ASTN2: variants seen among roughly 807,000 people sequenced by gnomAD.
The protein encoded by ASTN2 is astrotactin-2.
ASTN2 carries 54 observed loss-of-function variants against 139.8 expected under a neutral mutation model. That is an observed-to-expected ratio of 0.39 (90% CI 0.31 to 0.48). The LOEUF (loss-of-function observed/expected upper bound fraction) is 0.48, where lower values mean the gene tolerates loss of function less well. Among genes scored for constraint, ASTN2 ranks in the 20% least tolerant of loss-of-function variants. The probability of loss-of-function intolerance (pLI) is 0.95; values close to 1 mark genes in which losing one functional copy is unlikely to be tolerated. For synonymous variants in ASTN2, 756 were observed against 719.5 expected, an observed-to-expected ratio of 1.05 and a Z score of -0.81; for missense variants, 1,565 against 1,725.1, an observed-to-expected ratio of 0.91 and a Z score of 1.64.
At chr9:116,851,736 A>G (rs1006766627) in intron 11 of ASTN2, among the ~76,000 whole-genome samples, 4 of 152,192 alleles carry the variant, frequency 2.6e-5, no homozygotes, top group African/African-American at 9.7e-5. Context: ...AAAAACGTGA[A>G]GGTCAGTTCC....
chr9:117,283,284 G>A (rs896752178), intron 2 of ASTN2, among the ~76,000 whole-genome samples: 1 of 152,100 alleles, frequency 6.6e-6, no homozygotes, highest in African/African-American at 2.4e-5. Flanking sequence ...TTGCCCACAG[G>A]CCTAGCTAGA....
At chr9:117,354,492 C>T (rs1306667248) in intron 1 of ASTN2, among the ~76,000 whole-genome samples, 1 of 152,170 alleles carries the variant, frequency 6.6e-6, no homozygotes, top group Non-Finnish European at 1.5e-5. Context: ...TTTTTGAATA[C>T]TTTCTTGAGC....
chr9:116,475,582 G>C (rs1848952273), intron 20 of ASTN2, among the ~76,000 whole-genome samples: 1 of 152,248 alleles, frequency 6.6e-6, no homozygotes, highest in Non-Finnish European at 1.5e-5. Context: ...GCTCTACAGA[G>C]GGTTGAAGAC....
chr9:117,181,162 C>A (rs1435679976), intron 3 of ASTN2: 2 of 717,890 alleles, frequency 2.8e-6, no homozygotes, highest in Non-Finnish European at 4.9e-6. Flanking sequence ...CAATGGGCCC[C>A]CATGAGGAAA....
chr9:117,367,847 G>A (rs1829886748), intron 1 of ASTN2, among the ~76,000 whole-genome samples: 1 of 152,134 alleles, frequency 6.6e-6, no homozygotes, highest in Non-Finnish European at 1.5e-5. Context: ...AAACCTGGAG[G>A]AAGGAGGGAC....
intron 2 of ASTN2, among the ~76,000 whole-genome samples, chr9:117,231,679 G>A: frequency 6.6e-6 from 1 of 152,122 alleles, no homozygotes; most frequent in South Asian, 2.1e-4. Flanking sequence ...GGAGAATAGA[G>A]GCAGAGAGAG....
intron 17 of ASTN2, among the ~76,000 whole-genome samples, chr9:116,639,114 G>A (rs547204852): frequency 6.6e-6 from 1 of 152,208 alleles, no homozygotes; most frequent in Non-Finnish European, 1.5e-5. Context: ...CTTTGTGTAT[G>A]TTATGCTTTT....
chr9:116,543,350 T>C (rs1471806186), intron 19 of ASTN2, among the ~76,000 whole-genome samples: 1 of 150,686 alleles, frequency 6.6e-6, no homozygotes, highest in East Asian at 2.0e-4. Flanking sequence ...GGTGGGAGGA[T>C]CACCCAAGCC....
chr9:117,295,542 A>G (rs962150554), intron 1 of ASTN2, among the ~76,000 whole-genome samples: 2 of 152,042 alleles, frequency 1.3e-5, no homozygotes, highest in Non-Finnish European at 2.9e-5. Context: ...ACATATATGT[A>G]TATATATTTC....
At chr9:117,293,007 G>A (rs1284862757) in intron 1 of ASTN2, among the ~76,000 whole-genome samples, 1 of 151,738 alleles carries the variant, frequency 6.6e-6, no homozygotes, top group African/African-American at 2.4e-5. Flanking sequence ...TGTTAGCTAC[G>A]AATTTTTAAG....
intron 16 of ASTN2, among the ~76,000 whole-genome samples, chr9:116,679,437 T>A (rs1172386142): frequency 6.6e-6 from 1 of 152,146 alleles, no homozygotes; most frequent in African/African-American, 2.4e-5. Flanking sequence ...GTTACTGGCG[T>A]ATGTTCCGAA....
intron 4 of ASTN2, among the ~76,000 whole-genome samples, chr9:117,106,819 G>A (rs1016231907): frequency 7.3e-5 from 11 of 151,606 alleles, no homozygotes; most frequent in African/African-American, 2.4e-4. Context: ...TCTATATACC[G>A]ATACATTTAT....
rs531062945 is a variant in ASTN2, at chr9:116,725,665, C to T, written c.2806+106G>A. 8.8e-5 allele frequency: 104 copies of T among 1,175,210 alleles called. 1 individual carries two copies. The highest frequency in any genetic ancestry group is 3.0e-4 in the Middle Eastern group (1 of 3,374). 72.8% of individuals were successfully genotyped at this position (1,175,210 alleles called of 1,614,324 possible). On this transcript the variant is annotated intron_variant, in intron 16 of 22. Coordinates refer to ENST00000313400, the MANE Select transcript of ASTN2 (RefSeq NM_001365068.1). The stretch of plus-strand genomic sequence containing the variant: ...CTTGCCCATGGTCACACAGCTTAGA[C>T]GTGGCAGAGCCAGGATTTAGATCCA...
intron 20 of ASTN2, among the ~76,000 whole-genome samples, chr9:116,446,260 GAGAGAGAGAGAT>G (rs1847988244): frequency 1.1e-5 from 1 of 89,328 alleles, no homozygotes; most frequent in East Asian, 3.3e-4. Flanking sequence ...GAGAGGGAGA[GAGAGAGAGAGAT>G]AGAGAGAGAG....
intron 19 of ASTN2, chr9:116,583,150 G>C (rs945724846): frequency 2.4e-4 from 37 of 152,212 alleles, no homozygotes; most frequent in African/African-American, 8.4e-4. Context: ...GAAGTACATA[G>C]TCATGCAGTT....
chr9:116,679,202 A>G (rs1859684646), intron 16 of ASTN2, among the ~76,000 whole-genome samples: 1 of 152,156 alleles, frequency 6.6e-6, no homozygotes, highest in African/African-American at 2.4e-5. Flanking sequence ...ACTTATGGTA[A>G]CCTGGGATTC....
At position 116,729,495 on chromosome 9, in the gene ASTN2, G is replaced by A. The variant is rs564463080; in HGVS notation, c.2522-399C>T. Among the ~76,000 whole-genome samples the A allele has an allele frequency of 6.9e-4, 105 of 152,316 alleles. No individual in the cohort carries two copies. The South Asian group carries it at 0.021, about 31-fold the overall frequency. On this transcript the variant is annotated intron_variant, in intron 14 of 22. Transcript: ENST00000313400. The stretch of plus-strand genomic sequence containing the variant: ...GTGAGGCTCAAGTAAGGTACCAGAA[G>A]TGGGAGCCCTCTGGTAACCTAGAAA...
chr9:116,909,156 A>G (rs1028265859), intron 10 of ASTN2, among the ~76,000 whole-genome samples: 1 of 152,184 alleles, frequency 6.6e-6, no homozygotes, highest in South Asian at 2.1e-4. Context: ...TTTTAAGTTG[A>G]TAATTCCAGA....
At chr9:117,241,949 A>C (rs556402568) in intron 2 of ASTN2, among the ~76,000 whole-genome samples, 5,720 of 135,376 alleles carry the variant, frequency 0.042, 400 homozygotes, top group African/African-American at 0.15. Context: ...CACACACACC[A>C]CACACCCCTA....
Sources: allele counts gnomAD v4.1 joint callset (sites outside exome capture counted in the v4.1 genomes callset), GRCh38; gene constraint gnomAD v4.1.1; transcripts MANE v1.5; gene names NCBI Gene and HGNC (gene_info 2026-07-23, HGNC 2026-07-21).